The following DSG1 variants were observed in gnomAD, a reference collection of about 807,000 sequenced individuals.
DSG1 encodes the protein desmoglein 1.
A neutral mutation model predicts 97.5 loss-of-function variants in DSG1; 39 were observed. That is an observed-to-expected ratio of 0.40 (90% confidence interval 0.31 to 0.52). The LOEUF is 0.52. Among genes scored for constraint, DSG1 ranks in the 20% least tolerant of loss-of-function variants. The probability of loss-of-function intolerance (pLI) is 0.53; values close to 1 mark genes in which losing one functional copy is unlikely to be tolerated. For synonymous variants in DSG1, 475 were observed against 443.4 expected, an observed-to-expected ratio of 1.07 and a Z score of -0.90; for missense variants, 1,311 against 1,295.4, an observed-to-expected ratio of 1.01 and a Z score of -0.18.
In DSG1 at chr18:31,358,648, A is replaced by G. The variant is rs2035039; in HGVS notation, c.*3302A>G. Among the ~76,000 whole-genome samples the G allele has an allele frequency of 0.79, 120,695 of 152,038 alleles. 48,246 individuals carry two copies. Among genetic ancestry groups the G allele is most frequent in the East Asian group, 0.99 (5,116 of 5,182 alleles). ...TTAACTTTTGCTGGAGTTGAAAGGC[A>G]TTATAATCTTTAGCATAAATGGCCA... On this transcript the variant is annotated 3_prime_UTR_variant, in exon 15 of 15. Coordinates refer to ENST00000257192, the MANE Select transcript of DSG1 (RefSeq NM_001942.4).
chr18:31,344,412 G>A (rs946482317), intron 13 of DSG1, among the ~76,000 whole-genome samples: 1 of 152,110 alleles, frequency 6.6e-6, no homozygotes, highest in African/African-American at 2.4e-5. Flanking sequence ...CTCATTTATT[G>A]AGGCTAAAAT....
rs1471307753 is a variant in DSG1, at chr18:31,356,533, G to A, written c.*1187G>A. The A allele has an allele frequency of 3.9e-5, 6 of 152,094 alleles. No homozygotes were observed. In the East Asian group the frequency reaches 5.8e-4, roughly 15 times the overall value. The allele number at this position is 152,094 out of a possible 1,614,324, so 9.4% of individuals were successfully genotyped here. A position where few individuals can be genotyped will look rare whatever the true frequency, so the allele number is the denominator to read the frequency against. ...TAAAGTAATACCATGCTAATTATTC[G>A]CTTTTAGTAAGTAAAGTAGTGGTTG... On this transcript the variant is annotated 3_prime_UTR_variant, in exon 15 of 15. Transcript: ENST00000257192.
At chr18:31,344,123 C>G in intron 13 of DSG1, 128 bp downstream of exon 13, 1 of 719,646 alleles carries the variant, frequency 1.4e-6, no homozygotes, top group Non-Finnish European at 2.3e-6. Flanking sequence ...TTTTAAATGA[C>G]TAACTTGTAA....
At position 31,333,738 on chromosome 18, in the gene DSG1, T is replaced by G. The variant is rs2071734699; in HGVS notation, c.819+15T>G. 2 of 1,612,334 alleles carry G rather than the reference T, an allele frequency of 1.2e-6. No homozygotes were observed. The highest frequency in any genetic ancestry group is 1.7e-6 in the Non-Finnish European group (2 of 1,178,372). On this transcript the variant is annotated intron_variant, in intron 7 of 14. Coordinates refer to ENST00000257192, the MANE Select transcript of DSG1 (RefSeq NM_001942.4). ...AACAGTCTTCAGTAAGTATTTGTTC[T>G]TGGAATTAATAAATCTAAATTCGCT...
chr18:31,338,478 A>T (rs1470862257), intron 10 of DSG1, 24 bp downstream of exon 10: 1 of 1,608,834 alleles, frequency 6.2e-7, no homozygotes, highest in Non-Finnish European at 8.5e-7. Flanking sequence ...TTACATTTTT[A>T]TCTTTTCTAG....
At chr18:31,341,901 T>C (rs1243105482) in intron 11 of DSG1, among the ~76,000 whole-genome samples, 7 of 151,718 alleles carry the variant, frequency 4.6e-5, no homozygotes, top group Non-Finnish European at 8.8e-5. Context: ...TTTGTTTGTT[T>C]GTTTTCTGGG....
intron 5 of DSG1, among the ~76,000 whole-genome samples, chr18:31,330,549 A>G (rs1215182714): frequency 1.3e-5 from 2 of 152,150 alleles, no homozygotes; most frequent in East Asian, 1.9e-4. Context: ...TACTGTACCT[A>G]TACTTTCAAC....
chr18:31,335,479 A>G (rs1374578835), intron 8 of DSG1, among the ~76,000 whole-genome samples: 1 of 152,004 alleles, frequency 6.6e-6, no homozygotes, highest in Non-Finnish European at 1.5e-5. Context: ...GTTTGCCCAG[A>G]CATATCATAT....
chr18:31,354,525 C>T lies in DSG1; in HGVS notation c.2329C>T (p.Pro777Ser). Residue 777 changes from proline (P) to serine (S), a missense_variant, in exon 15 of 15, where the codon CCA becomes TCA. By Grantham distance (74) the Pro-to-Ser change is moderately conservative. Around this residue, in one of 3 missense-constraint regions of DSG1, gnomAD observed 1,038 missense variants for 964.6 expected, o/e 1.08. Transcript: ENST00000257192. ...SYPDLDPSWP[P>S]QSTEPVCLPQ... ...TCCAGACCTTGATCCTTCTTGGCCACCACAAAGCACTGAACCAGTTTGCCT... is the reference window on the plus strand; with the variant it reads ...TCCAGACCTTGATCCTTCTTGGCCATCACAAAGCACTGAACCAGTTTGCCT... 1 of 1,614,170 alleles carries T rather than the reference C, an allele frequency of 6.2e-7. No individual in the cohort carries two copies. Among genetic ancestry groups the T allele is most frequent in the East Asian group, 2.2e-5 (1 of 44,882 alleles).
chr18:31,356,341 T>C lies in DSG1; in HGVS notation c.*995T>C, dbSNP rs972088389. 4.6e-5 allele frequency: 7 copies of C among 152,024 alleles called. No individual in the cohort carries two copies. The highest frequency in any genetic ancestry group is 1.0e-4 in the Non-Finnish European group (7 of 68,006). The allele number at this position is 152,024 out of a possible 1,614,324, so 9.4% of individuals were successfully genotyped here. On this transcript the variant is annotated 3_prime_UTR_variant, in exon 15 of 15. Transcript: ENST00000257192. ...CGTATCCAGCTCTTTATTACATAGC[T>C]CTGAAGTTAAAATGATTTACATAGG...
intron 14 of DSG1, among the ~76,000 whole-genome samples, chr18:31,350,549 G>T (rs896061133): frequency 1.3e-5 from 2 of 150,300 alleles, no homozygotes; most frequent in African/African-American, 4.9e-5. Flanking sequence ...AATGGTACCA[G>T]TTCCTCCTTG....
intron 14 of DSG1, chr18:31,354,027 G>T (rs2071928613): frequency 4.9e-6 from 2 of 405,700 alleles, no homozygotes; most frequent in Non-Finnish European, 8.9e-6. Context: ...TTTTGTGTAT[G>T]GTTTTATGTC....
At chr18:31,343,650 A>T in intron 12 of DSG1, 67 bp downstream of exon 12, 1 of 1,607,652 alleles carries the variant, frequency 6.2e-7, no homozygotes, top group South Asian at 1.1e-5. Flanking sequence ...ACATGAACCA[A>T]GATGGCCGCC....
At position 31,355,709 on chromosome 18, in the gene DSG1, T is replaced by C. The variant is rs2071950920; in HGVS notation, c.*363T>C. On this transcript the variant is annotated 3_prime_UTR_variant, in exon 15 of 15. Transcript: ENST00000257192. The stretch of plus-strand genomic sequence containing the variant: ...AGCTCGAGCAAAATTCAAAAAGAAC[T>C]AAATATGCAATATATGTTCATATCT... The C allele has an allele frequency of 3.7e-6, 1 of 270,354 alleles. No individual in the cohort carries two copies. Among genetic ancestry groups the C allele is most frequent in the Non-Finnish European group, 7.3e-6 (1 of 137,838 alleles). 16.7% of individuals were successfully genotyped at this position (270,354 alleles called of 1,614,324 possible). A position where few individuals can be genotyped will look rare whatever the true frequency, so the allele number is the denominator to read the frequency against.
intron 11 of DSG1, among the ~76,000 whole-genome samples, chr18:31,342,227 C>T (rs1331761037): frequency 3.3e-5 from 5 of 152,154 alleles, no homozygotes; most frequent in East Asian, 1.9e-4. Context: ...CCACCGCGCC[C>T]GTCCTGAGTT....
intron 1 of DSG1, among the ~76,000 whole-genome samples, chr18:31,324,923 T>C (rs1438594601): frequency 6.6e-6 from 1 of 152,256 alleles, no homozygotes; most frequent in Non-Finnish European, 1.5e-5. Context: ...AGGCATTTAA[T>C]ATTACAGCTG....
chr18:31,355,165 C>A lies in DSG1; in HGVS notation c.2969C>A (p.Ala990Asp). The A allele has an allele frequency of 6.2e-7, 1 of 1,606,582 alleles. No individual in the cohort carries two copies. Among genetic ancestry groups the A allele is most frequent in the Non-Finnish European group, 8.5e-7 (1 of 1,175,380 alleles). Residue 990 changes from alanine (A) to aspartate (D), a missense_variant, in exon 15 of 15, where the codon GCC becomes GAC. Physicochemically the swap from Ala to Asp is moderately radical, Grantham distance 126. Coordinates refer to ENST00000257192, the MANE Select transcript of DSG1 (RefSeq NM_001942.4). ...VGTSMGAGSG[A>D]LSGAGISGGG... ...ACCAGCATGGGTGCTGGGAGCGGTG[C>A]CCTGAGTGGAGCTGGCATAAGTGGT...
chr18:31,330,310 G>T (rs1179640433), intron 5 of DSG1, among the ~76,000 whole-genome samples: 2 of 152,074 alleles, frequency 1.3e-5, no homozygotes, highest in Non-Finnish European at 2.9e-5. Context: ...GCACAATGGT[G>T]GCAGAGGCAT....
rs945910476 is a variant in DSG1 at position 31,346,015 on chromosome 18, C to T, written c.1917C>T (p.Gly639=). ...GAGTTTATACAAATGAGTATGGTGG[C>T]AGAGAAATGCAAGATCTGGGAGGAG... ...NSGVYTNEYG[G]REMQDLGGGE... The change falls in exon 14 of 15, where the codon GGC becomes GGT. Residue 639 remains glycine (G), a synonymous_variant. Transcript: ENST00000257192. 1 of 1,613,408 alleles carries T rather than the reference C, an allele frequency of 6.2e-7. No homozygotes were observed. Among genetic ancestry groups the T allele is most frequent in the Non-Finnish European group, 8.5e-7 (1 of 1,179,740 alleles).
Sources: allele counts gnomAD v4.1 joint callset (sites outside exome capture counted in the v4.1 genomes callset), GRCh38; gene constraint gnomAD v4.1.1; regional missense constraint gnomAD v4.1.1; transcripts MANE v1.5; gene names NCBI Gene and HGNC (gene_info 2026-07-23, HGNC 2026-07-21).